The following YIPF2 variants were observed in gnomAD, a reference collection of about 807,000 sequenced individuals.
YIPF2 encodes Yip1 domain family member 2.
Under a neutral mutation model 38.8 loss-of-function variants are expected in YIPF2, and 30 were observed. The observed-to-expected ratio is 0.77, with a 90% CI of 0.58 to 1.05. The LOEUF is 1.05. Ranked by LOEUF, YIPF2 falls within the 50% of genes least tolerant of loss-of-function variation. The pLI, the probability that YIPF2 is intolerant of heterozygous loss-of-function variation, is 0.00. For missense variants in YIPF2, 401 were observed against 409.7 expected (o/e 0.98, Z 0.18); for synonymous variants, 194 against 183.8 (o/e 1.06, Z -0.45).
intron 2 of YIPF2, 138 bp from the exon 3 acceptor site, chr19:10,928,097 C>T: frequency 7.6e-7 from 1 of 1,317,824 alleles, no homozygotes; most frequent in East Asian, 2.3e-5. Flanking sequence ...GCCCAACTTC[C>T]TCAGTTTGGA....
chr19:10,924,051 G>A (rs1249909742), intron 6 of YIPF2, 25 bp downstream of exon 6: 2 of 1,613,032 alleles, frequency 1.2e-6, no homozygotes, highest in African/African-American at 1.3e-5. Context: ...GCCCTGCCAG[G>A]CATTGGGCCT....
At position 10,922,741 on chromosome 19, in the gene YIPF2, GAA is replaced by G. The variant is rs2074278968; in HGVS notation, c.*451_*452del. On this transcript the variant is annotated 3_prime_UTR_variant, in exon 10 of 10. Coordinates refer to ENST00000586748, the MANE Select transcript of YIPF2 (RefSeq NM_001321439.2). Reference sequence around the variant, plus strand: ...CTCCAAAAAAAGAAAAAAAGAAAAAGAAAGAAAAAATAAATGAGGAAACGTGT... The same window carrying G: ...CTCCAAAAAAAGAAAAAAAGAAAAAGAGAAAAAATAAATGAGGAAACGTGT... 1 of 152,474 alleles carries G rather than the reference GAA, an allele frequency of 6.6e-6. No homozygotes were observed. Among genetic ancestry groups the G allele is most frequent in the African/African-American group, 2.4e-5 (1 of 41,452 alleles). 9.4% of individuals were successfully genotyped at this position (152,474 alleles called of 1,614,324 possible). A position where few individuals can be genotyped will look rare whatever the true frequency, so the allele number is the denominator to read the frequency against.
At chr19:10,925,586 C>G in intron 5 of YIPF2, 100 bp downstream of exon 5, 1 of 1,398,084 alleles carries the variant, frequency 7.2e-7, no homozygotes, top group East Asian at 2.4e-5. Context: ...GTCACACTGT[C>G]TGAGTGACTG....
intron 7 of YIPF2, 44 bp from the exon 8 acceptor site, chr19:10,923,721 C>T (rs1352039321): frequency 1.3e-6 from 2 of 1,580,164 alleles, no homozygotes; most frequent in African/African-American, 1.3e-5. Context: ...GTCCCCCCAG[C>T]CACCACCCAC....
rs201940526 is a variant in YIPF2, at chr19:10,924,004, G to A, written c.485-5C>T. 9 of 1,610,654 alleles carry A rather than the reference G, an allele frequency of 5.6e-6. No homozygotes were observed. The highest frequency in any genetic ancestry group is 5.0e-5 in the Admixed American group (3 of 59,898). On this transcript the variant is annotated splice_polypyrimidine_tract_variant and splice_region_variant and intron_variant, in intron 6 of 9. Transcript: ENST00000586748. ...TGCTGATGCCTGCCACGGTCACTGG[G>A]GGGGGCAAGGTGAGCAGTCACCCCC...
At chr19:10,924,766 C>A (rs868122486) in intron 5 of YIPF2, among the ~76,000 whole-genome samples, 1 of 150,088 alleles carries the variant, frequency 6.7e-6, no homozygotes, top group African/African-American at 2.5e-5. Flanking sequence ...CCACTCCCCC[C>A]ACCCCCACCT....
Position 10,928,052 on chromosome 19 carries a change from G to C in YIPF2, c.32-93C>G, listed in dbSNP as rs980595431. The stretch of plus-strand genomic sequence containing the variant: ...AAACCGATGCTCATCTGGGGGCGGA[G>C]GCTCTGCTGAGCCATTGATCTCCCC... On this transcript the variant is annotated intron_variant, in intron 2 of 9. Transcript: ENST00000586748. 6.6e-6 allele frequency: 10 copies of C among 1,513,884 alleles called. No individual in the cohort carries two copies. In the Admixed American group the frequency reaches 9.3e-5, roughly 14 times the overall value. The allele number at this position is 1,513,884 out of a possible 1,614,324, so 93.8% of individuals were successfully genotyped here.
Position 10,928,621 on chromosome 19 carries a change from G to C in YIPF2, c.-141C>G, listed in dbSNP as rs2083464383. 1 of 852,374 alleles carries C rather than the reference G, an allele frequency of 1.2e-6. No individual in the cohort carries two copies. Among genetic ancestry groups the C allele is most frequent in the Non-Finnish European group, 1.7e-6 (1 of 594,626 alleles). The allele number at this position is 852,374 out of a possible 1,614,324, so 52.8% of individuals were successfully genotyped here. ...TGGGCCGGCGTGGCTGGGGCTCTCT[G>C]CGCCTGCGCGTCTCGCCTACCCGTC... On this transcript the variant is annotated 5_prime_UTR_variant, in exon 1 of 10. Coordinates refer to ENST00000586748, the MANE Select transcript of YIPF2 (RefSeq NM_001321439.2).
At chr19:10,927,746 C>G (rs747381992) in intron 3 of YIPF2, 30 bp from the exon 4 acceptor site, 1 of 1,611,656 alleles carries the variant, frequency 6.2e-7, no homozygotes, top group South Asian at 1.1e-5. Flanking sequence ...AGTGCCTGCC[C>G]GGAGAGCCTG....
rs2074288095 is a variant in YIPF2 at position 10,923,096 on chromosome 19, A to G, written c.*98T>C. 1.8e-6 allele frequency: 1 copy of G among 547,568 alleles called. No individual in the cohort carries two copies. The highest frequency in any genetic ancestry group is 3.2e-6 in the Non-Finnish European group (1 of 314,868). The allele number at this position is 547,568 out of a possible 1,614,324, so 33.9% of individuals were successfully genotyped here. ...GAAAAGTCTGGAAAGTAGCAGAATC[A>G]TCTCAAGGTGTCAAAGGAGCCTTCA... On this transcript the variant is annotated 3_prime_UTR_variant, in exon 10 of 10. Transcript: ENST00000586748.
At chr19:10,925,390 C>A (rs957551986) in intron 5 of YIPF2, among the ~76,000 whole-genome samples, 1 of 152,106 alleles carries the variant, frequency 6.6e-6, no homozygotes, top group Non-Finnish European at 1.5e-5. Flanking sequence ...TTTCTGGAAG[C>A]CTCTTTTCCT....
chr19:10,923,202 C>A, intron 9 of YIPF2, 28 bp from the exon 10 acceptor site: 1 of 1,333,168 alleles, frequency 7.5e-7, no homozygotes, highest in Non-Finnish European at 1.0e-6. Context: ...CTGGGAGTGG[C>A]CCCAGAACCT....
intron 5 of YIPF2, 149 bp from the exon 6 acceptor site, chr19:10,924,341 G>C: frequency 1.5e-6 from 1 of 672,180 alleles, no homozygotes; most frequent in Non-Finnish European, 2.5e-6. Flanking sequence ...TGGTGGCTGA[G>C]CCCAGTGCTG....
intron 7 of YIPF2, 25 bp downstream of exon 7, chr19:10,923,808 C>A (rs1264515905): frequency 3.7e-6 from 6 of 1,606,004 alleles, no homozygotes; most frequent in Non-Finnish European, 4.3e-6. Context: ...CAGCCACCAC[C>A]CACTCCGCGC....
chr19:10,925,770 G>A lies in YIPF2; in HGVS notation c.283C>T (p.Leu95=), dbSNP rs1313089876. 2 of 1,613,662 alleles carry A rather than the reference G, an allele frequency of 1.2e-6. No individual in the cohort carries two copies. The highest frequency in any genetic ancestry group is 3.3e-5 in the Admixed American group (2 of 59,996). ...SFFDVDTSQV[L]DRIKGSLLPR... ...AGCAGTGAGCCTTTGATCCGGTCCA[G>A]GACCTGGGGGCAAGGCCAAGGTCAA... The change falls in exon 5 of 10, where the codon CTG becomes TTG. Residue 95 remains leucine, a synonymous_variant. Coordinates refer to ENST00000586748, the MANE Select transcript of YIPF2 (RefSeq NM_001321439.2).
Position 10,927,661 on chromosome 19 carries a change from T to C in YIPF2, c.248A>G (p.Tyr83Cys), listed in dbSNP as rs775650745. ...QQPGFWTFSY[Y>C]QSFFDVDTSQ... ...GGTGTCCACGTCAAAGAAGCTCTGA[T>C]AGTAGCTGAAGGTCCAGAATCCCGG... Residue 83 changes from tyrosine (Y) to cysteine (C), a missense_variant, in exon 4 of 10, where the codon TAT (tyrosine) becomes TGT (cysteine). Tyr to Cys is a radical substitution (Grantham distance 194, BLOSUM62 -2). Transcript: ENST00000586748. 6.2e-7 allele frequency: 1 copy of C among 1,613,872 alleles called. No homozygotes were observed. Among genetic ancestry groups the C allele is most frequent in the East Asian group, 2.2e-5 (1 of 44,890 alleles).
In YIPF2 at chr19:10,923,391, G is replaced by A. The variant is rs202122443; in HGVS notation, c.851C>T (p.Ser284Leu). The A allele has an allele frequency of 6.2e-5, 100 of 1,613,586 alleles. No individual in the cohort carries two copies. The highest frequency in any genetic ancestry group is 8.9e-5 in the East Asian group (4 of 44,890). ...AGGAGCCACGTTCTCCGGAGGCAGC[G>A]ACTGGAAGAAGTACAACTGCACAAG... ...AMGCKLYFFQSLPPENVAPPP... is the reference protein window; with the variant it reads ...AMGCKLYFFQLLPPENVAPPP... The change falls in exon 9 of 10, where the codon TCG becomes TTG. Residue 284 changes from serine (S) to leucine (L), a missense_variant. Physicochemically the swap from Ser to Leu is moderately radical, Grantham distance 145. Transcript: ENST00000586748.
chr19:10,925,902 T>TCA, intron 4 of YIPF2, 129 bp from the exon 5 acceptor site: 1 of 560,232 alleles, frequency 1.8e-6, no homozygotes, highest in Non-Finnish European at 3.0e-6. Flanking sequence ...AGCCTTTCCC[T>TCA]CTCTTTTTTT....
At chr19:10,925,909 T>TA in intron 4 of YIPF2, 136 bp from the exon 5 acceptor site, 1 of 581,658 alleles carries the variant, frequency 1.7e-6, no homozygotes, top group Non-Finnish European at 2.7e-6. Context: ...CCCTCTCTTT[T>TA]TTTTTTTTTT....
Sources: allele counts gnomAD v4.1 joint callset (sites outside exome capture counted in the v4.1 genomes callset), GRCh38; gene constraint gnomAD v4.1.1; transcripts MANE v1.5; gene names NCBI Gene and HGNC (gene_info 2026-07-23, HGNC 2026-07-21).